The following B4GALT6 variants were observed in gnomAD, a reference collection of about 807,000 sequenced individuals.
B4GALT6 encodes beta-1,4-galactosyltransferase 6, also known as UDP-Gal:beta-GlcNAc beta-1,4-galactosyltransferase 6.
A neutral mutation model predicts 46.3 loss-of-function variants in B4GALT6; 14 were observed. The observed-to-expected ratio is 0.30, with a 90% CI of 0.20 to 0.47. The LOEUF is 0.47. Among genes scored for constraint, B4GALT6 ranks in the 20% least tolerant of loss-of-function variants. The probability of loss-of-function intolerance (pLI) is 0.99; values close to 1 mark genes in which losing one functional copy is unlikely to be tolerated. For missense variants in B4GALT6, 386 were observed against 480.1 expected, an observed-to-expected ratio of 0.80 and a Z score of 1.83; for synonymous variants, 168 against 162.0, an observed-to-expected ratio of 1.04 and a Z score of -0.28.
intron 6 of B4GALT6, 28 bp downstream of exon 6, chr18:31,630,931 A>G: frequency 1.9e-6 from 3 of 1,610,026 alleles, no homozygotes; most frequent in Non-Finnish European, 2.5e-6. Flanking sequence ...TATATCGTAC[A>G]ATATCAGGAA....
upstream of B4GALT6, among the ~76,000 whole-genome samples, chr18:31,690,040 A>G (rs2030057891): frequency 6.6e-6 from 1 of 152,214 alleles, no homozygotes; most frequent in Non-Finnish European, 1.5e-5. Context: ...TTAAAAGGAT[A>G]AAAGAACTAT....
intron 2 of B4GALT6, among the ~76,000 whole-genome samples, chr18:31,663,414 A>G (rs1004451520): frequency 6.6e-6 from 1 of 152,158 alleles, no homozygotes; most frequent in Non-Finnish European, 1.5e-5. Flanking sequence ...AATTAGATGA[A>G]TTCACTGAAT....
At chr18:31,684,176 A>T (rs754367554) in intron 1 of B4GALT6, 136 bp downstream of exon 1, 46 of 1,408,472 alleles carry the variant, frequency 3.3e-5, no homozygotes, top group Non-Finnish European at 4.2e-5. Context: ...GACACGTCTG[A>T]AATAACATTT....
At chr18:31,684,598 G>T, upstream of B4GALT6, 1 of 1,268,670 alleles carries the variant, frequency 7.9e-7, no homozygotes, top group Admixed American at 3.0e-5. Flanking sequence ...GGAGGGAGCG[G>T]ACGGAATGAA....
At chr18:31,704,004 A>G in the B4GALT6 span, among the ~76,000 whole-genome samples, 356 of 152,200 alleles carry the variant, frequency 2.3e-3, 2 homozygotes, top group African/African-American at 8.1e-3. Context: ...CTTTTTTGTT[A>G]TCTCCATTTT....
chr18:31,624,556 CT>C lies in B4GALT6; in HGVS notation c.*1057del, dbSNP rs1428801614. The stretch of plus-strand genomic sequence containing the variant: ...CTTTATAAAAATAGAATATTTAATT[CT>C]TATCTAATAGTATAATTCATTTGTA... On this transcript the variant is annotated 3_prime_UTR_variant, in exon 9 of 9. Transcript: ENST00000306851. 6.6e-6 allele frequency: 1 copy of C among 151,708 alleles called. No homozygotes were observed. The highest frequency in any genetic ancestry group is 1.5e-5 in the Non-Finnish European group (1 of 67,854). The allele number at this position is 151,708 out of a possible 1,614,324, so 9.4% of individuals were successfully genotyped here. A position where few individuals can be genotyped will look rare whatever the true frequency, so the allele number is the denominator to read the frequency against.
At chr18:31,647,065 CA>C (rs747376878) in intron 3 of B4GALT6, among the ~76,000 whole-genome samples, 4 of 152,320 alleles carry the variant, frequency 2.6e-5, no homozygotes, top group Admixed American at 6.5e-5. Flanking sequence ...AACATAAGTA[CA>C]GACTATCATG....
intron 1 of B4GALT6, among the ~76,000 whole-genome samples, chr18:31,680,585 T>C (rs1446567536): frequency 6.6e-6 from 1 of 152,138 alleles, no homozygotes; most frequent in East Asian, 1.9e-4. Context: ...AGCCCGTCAG[T>C]GTGTCTAGGA....
the B4GALT6 span, among the ~76,000 whole-genome samples, chr18:31,714,503 T>G: frequency 1.3e-5 from 2 of 152,160 alleles, no homozygotes; most frequent in Non-Finnish European, 2.9e-5. Context: ...GAAGGCAAAG[T>G]GTGTCTTTAG....
chr18:31,659,252 T>C (rs1022633824), intron 2 of B4GALT6, among the ~76,000 whole-genome samples: 30 of 152,130 alleles, frequency 2.0e-4, no homozygotes, highest in Admixed American at 1.8e-3. Context: ...CCTCTGACCA[T>C]AGGGAAATGA....
the B4GALT6 span, among the ~76,000 whole-genome samples, chr18:31,716,998 C>G: frequency 6.6e-6 from 1 of 151,916 alleles, no homozygotes; most frequent in Non-Finnish European, 1.5e-5. Flanking sequence ...ACTTGGGAAG[C>G]TGAGGCAGGA....
upstream of B4GALT6, among the ~76,000 whole-genome samples, chr18:31,687,672 T>C (rs2029973433): frequency 6.6e-6 from 1 of 152,244 alleles, no homozygotes; most frequent in Non-Finnish European, 1.5e-5. Context: ...AAATTTTATT[T>C]AATGGCTTTG....
At chr18:31,645,064 C>T (rs1482535325) in intron 4 of B4GALT6, among the ~76,000 whole-genome samples, 1 of 152,116 alleles carries the variant, frequency 6.6e-6, no homozygotes, top group Non-Finnish European at 1.5e-5. Flanking sequence ...CAGAACAGAA[C>T]AACAAAAAAA....
In B4GALT6 at chr18:31,643,617, C is replaced by T. The variant is rs1340203291; in HGVS notation, c.471+1738G>A. Among the ~76,000 whole-genome samples the T allele has an allele frequency of 1.1e-4, 17 of 152,262 alleles. 1 individual carries two copies. Among genetic ancestry groups the T allele is most frequent in the Non-Finnish European group, 1.5e-5 (1 of 68,028 alleles). ...CCCTGAATTAGTTTGTTCCCAGGAA[C>T]TCTTTTCCATACTGTTACCTACTGA... On this transcript the variant is annotated intron_variant, in intron 4 of 8. Transcript: ENST00000306851.
chr18:31,628,833 C>T (rs1464594945), intron 6 of B4GALT6, among the ~76,000 whole-genome samples: 11 of 152,234 alleles, frequency 7.2e-5, no homozygotes, highest in Admixed American at 7.2e-4. Flanking sequence ...GATATGAATA[C>T]AGCTGACGCT....
chr18:31,649,212 AC>A (rs775709399), intron 3 of B4GALT6, among the ~76,000 whole-genome samples: 1 of 152,214 alleles, frequency 6.6e-6, no homozygotes, highest in Non-Finnish European at 1.5e-5. Flanking sequence ...CAAATGCTTT[AC>A]TTAAGCTTCT....
At chr18:31,652,279 A>T (rs1336119375) in intron 3 of B4GALT6, among the ~76,000 whole-genome samples, 2 of 152,034 alleles carry the variant, frequency 1.3e-5, no homozygotes, top group African/African-American at 4.8e-5. Flanking sequence ...CAATCATTTT[A>T]CTGAATTCGT....
At position 31,628,384 on chromosome 18, in the gene B4GALT6, G is replaced by A. The variant is rs554179378; in HGVS notation, c.777-1263C>T. 6.6e-5 allele frequency among the ~76,000 whole-genome samples: 10 copies of A among 152,252 alleles called. No individual in the cohort carries two copies. The South Asian group carries it at 1.9e-3, about 28-fold the overall frequency. On this transcript the variant is annotated intron_variant, in intron 6 of 8. Coordinates refer to ENST00000306851, the MANE Select transcript of B4GALT6 (RefSeq NM_004775.5). ...AGTAGTTTAGGAAAAACCTGAGATC[G>A]TCAGATAGGGAAACATGAATAAATG...
chr18:31,710,721 T>C, the B4GALT6 span, among the ~76,000 whole-genome samples: 2 of 151,944 alleles, frequency 1.3e-5, no homozygotes, highest in Non-Finnish European at 2.9e-5. Context: ...ATCCAGTTTG[T>C]GGTAATTTGC....
Sources: gnomAD v4.1 joint callset for allele counts (sites outside exome capture counted in the v4.1 genomes callset) on GRCh38, gnomAD v4.1.1 for gene constraint, MANE v1.5 for transcripts, NCBI Gene and HGNC (gene_info 2026-07-23, HGNC 2026-07-21) for gene names.